CAMKMT: variants seen among roughly 807,000 people sequenced by gnomAD.
CAMKMT encodes the protein CaM KMT.
A neutral mutation model predicts 48.0 loss-of-function variants in CAMKMT; 53 were observed. That is an observed-to-expected ratio of 1.10 (90% confidence interval 0.89 to 1.39). The LOEUF is 1.39. CAMKMT is among the 40% of genes most tolerant of loss of function. The probability of loss-of-function intolerance (pLI) is 0.00; values close to 1 mark genes in which losing one functional copy is unlikely to be tolerated. For synonymous variants in CAMKMT, 165 were observed against 152.3 expected (o/e 1.08, Z -0.61); for missense variants, 428 against 402.7 (o/e 1.06, Z -0.54).
chr2:44,705,193 A>C, intron 4 of CAMKMT: 6 of 197,294 alleles, frequency 3.0e-5, no homozygotes, highest in Non-Finnish European at 4.6e-5. Context: ...CAATTGCTTT[A>C]AACAACCAAA....
intron 3 of CAMKMT, among the ~76,000 whole-genome samples, chr2:44,699,414 A>G (rs1051886903): frequency 1.3e-5 from 2 of 152,220 alleles, no homozygotes; most frequent in Admixed American, 1.3e-4. Flanking sequence ...TTTGGTGACC[A>G]GGTGCATTGT....
intron 3 of CAMKMT, among the ~76,000 whole-genome samples, chr2:44,412,635 C>G (rs1050506297): frequency 2.0e-5 from 3 of 152,068 alleles, no homozygotes; most frequent in Admixed American, 6.6e-5. Flanking sequence ...TGGGCCCAGC[C>G]AGGTGAGTCT....
At chr2:44,708,572 G>C (rs1677694755) in intron 6 of CAMKMT, among the ~76,000 whole-genome samples, 2 of 152,206 alleles carry the variant, frequency 1.3e-5, no homozygotes, top group African/African-American at 4.8e-5. Context: ...TCACACAAGG[G>C]AAGGAGATCA....
intron 3 of CAMKMT, among the ~76,000 whole-genome samples, chr2:44,568,804 G>A (rs1227982287): frequency 1.3e-5 from 2 of 152,282 alleles, no homozygotes; most frequent in East Asian, 3.9e-4. Context: ...AAAGACTAAG[G>A]TTAGAATAGG....
chr2:44,580,894 G>A (rs552486314), intron 3 of CAMKMT, among the ~76,000 whole-genome samples: 1 of 152,312 alleles, frequency 6.6e-6, no homozygotes, highest in East Asian at 1.9e-4. Flanking sequence ...GTAGATAGAG[G>A]CTGTGGGCAG....
chr2:44,755,917 A>C (rs903031071), intron 9 of CAMKMT, among the ~76,000 whole-genome samples: 1 of 152,102 alleles, frequency 6.6e-6, no homozygotes, highest in Non-Finnish European at 1.5e-5. Flanking sequence ...GGCTCACACT[A>C]ACCTGTAGCA....
chr2:44,389,913 T>A (rs1299378289), intron 2 of CAMKMT, among the ~76,000 whole-genome samples: 1 of 152,184 alleles, frequency 6.6e-6, no homozygotes, highest in Non-Finnish European at 1.5e-5. Flanking sequence ...TCAGCTTGAT[T>A]CTCTAAGTAT....
At chr2:44,625,746 A>G (rs1398487707) in intron 3 of CAMKMT, among the ~76,000 whole-genome samples, 1 of 152,144 alleles carries the variant, frequency 6.6e-6, no homozygotes, top group Non-Finnish European at 1.5e-5. Context: ...CAGTTGTTCT[A>G]GCATTACTTG....
At chr2:44,400,752 A>G (rs1168319975) in intron 3 of CAMKMT, 1 of 151,640 alleles carries the variant, frequency 6.6e-6, no homozygotes, top group Non-Finnish European at 1.5e-5. Flanking sequence ...AGCTAACACT[A>G]TTTTAAATAT....
intron 3 of CAMKMT, among the ~76,000 whole-genome samples, chr2:44,412,814 G>A (rs566529560): frequency 1.6e-4 from 24 of 152,106 alleles, no homozygotes; most frequent in Admixed American, 4.6e-4. Flanking sequence ...GGTGGCTCAC[G>A]CCTGTAATCC....
intron 3 of CAMKMT, among the ~76,000 whole-genome samples, chr2:44,399,396 A>T (rs1682149982): frequency 6.6e-6 from 1 of 152,140 alleles, no homozygotes; most frequent in Non-Finnish European, 1.5e-5. Context: ...TATGTGTGGG[A>T]TGAAAACCAC....
intron 2 of CAMKMT, among the ~76,000 whole-genome samples, chr2:44,380,458 C>T (rs1034583230): frequency 3.9e-5 from 6 of 151,980 alleles, no homozygotes; most frequent in East Asian, 1.9e-4. Flanking sequence ...GCATTACTAG[C>T]GAACCACAGA....
chr2:44,633,233 A>G (rs570763883), intron 3 of CAMKMT, among the ~76,000 whole-genome samples: 1 of 152,198 alleles, frequency 6.6e-6, no homozygotes, highest in East Asian at 1.9e-4. Context: ...GGTTTTTAGT[A>G]ATTTGATTAT....
chr2:44,728,458 C>T (rs892223277), intron 7 of CAMKMT, among the ~76,000 whole-genome samples: 1 of 152,152 alleles, frequency 6.6e-6, no homozygotes, highest in Admixed American at 6.5e-5. Flanking sequence ...AGGAGCCCCT[C>T]CTCCTCAATT....
At chr2:44,416,098 G>T (rs1683531887) in intron 3 of CAMKMT, among the ~76,000 whole-genome samples, 1 of 152,136 alleles carries the variant, frequency 6.6e-6, no homozygotes, top group South Asian at 2.1e-4. Context: ...ATGAAGTATG[G>T]TTGGGTTTAG....
intron 7 of CAMKMT, among the ~76,000 whole-genome samples, chr2:44,726,999 C>T (rs1435386200): frequency 6.6e-6 from 1 of 152,126 alleles, no homozygotes; most frequent in Non-Finnish European, 1.5e-5. Flanking sequence ...ATACCAGTAC[C>T]AAGCTGTTTT....
In CAMKMT at chr2:44,603,491, A is replaced by T. The variant is rs544047696; in HGVS notation, c.377-100792A>T. Among the ~76,000 whole-genome samples the T allele has an allele frequency of 2.0e-5, 3 of 152,296 alleles. No individual in the cohort carries two copies. In the South Asian group the frequency reaches 6.2e-4, roughly 32 times the overall value. On this transcript the variant is annotated intron_variant, in intron 3 of 10. Coordinates refer to ENST00000378494, the MANE Select transcript of CAMKMT (RefSeq NM_024766.5). ...ATTGCCACACAACAAAATACCCCAA[A>T]ATTTAGTGGCTGAAAACAAACAAAT...
At chr2:44,636,207 C>A (rs1673125563) in intron 3 of CAMKMT, among the ~76,000 whole-genome samples, 1 of 152,136 alleles carries the variant, frequency 6.6e-6, no homozygotes. Context: ...GGGAGCAGAA[C>A]TGGGCAGTTT....
At chr2:44,476,169 T>G (rs1668679102) in intron 3 of CAMKMT, among the ~76,000 whole-genome samples, 1 of 152,218 alleles carries the variant, frequency 6.6e-6, no homozygotes, top group Non-Finnish European at 1.5e-5. Flanking sequence ...ATACTGCAAT[T>G]TAATACTGTA....
Sources: allele counts gnomAD v4.1 joint callset (sites outside exome capture counted in the v4.1 genomes callset), GRCh38; gene constraint gnomAD v4.1.1; transcripts MANE v1.5; gene names NCBI Gene and HGNC (gene_info 2026-07-23, HGNC 2026-07-21).